CP: variants seen among roughly 807,000 people sequenced by gnomAD.
The protein encoded by CP is ceruloplasmin.
Under a neutral mutation model 122.4 loss-of-function variants are expected in CP, and 64 were observed. That is an observed-to-expected ratio of 0.52 (90% CI 0.43 to 0.64). The LOEUF (loss-of-function observed/expected upper bound fraction) is 0.64, where lower values mean the gene tolerates loss of function less well. CP is among the 30% of genes least tolerant of loss of function. The pLI, the probability that CP is intolerant of heterozygous loss-of-function variation, is 0.00. For missense variants in CP, 1,167 were observed against 1,284.4 expected, an observed-to-expected ratio of 0.91 and a Z score of 1.40; for synonymous variants, 440 against 436.4, an observed-to-expected ratio of 1.01 and a Z score of -0.10.
At chr3:149,185,861 G>C (rs1427204102) in intron 11 of CP, among the ~76,000 whole-genome samples, 1 of 152,118 alleles carries the variant, frequency 6.6e-6, no homozygotes, top group East Asian at 1.9e-4. Flanking sequence ...CCCTGCATTA[G>C]AATTTCAGCA....
chr3:149,194,461 A>G (rs529242761), intron 9 of CP, among the ~76,000 whole-genome samples: 1 of 151,350 alleles, frequency 6.6e-6, no homozygotes, highest in South Asian at 2.1e-4. Flanking sequence ...CTGGTCTGAA[A>G]CTCTTGACCT....
chr3:149,202,605 CTTTTTTTTTT>C (rs34873592), intron 6 of CP, among the ~76,000 whole-genome samples: 5 of 106,814 alleles, frequency 4.7e-5, no homozygotes, highest in Non-Finnish European at 7.6e-5. Flanking sequence ...TGTTGTTTGT[CTTTTTTTTTT>C]TTTTTTTTTT....
chr3:149,213,307 T>C (rs1277564480), intron 1 of CP, among the ~76,000 whole-genome samples: 1 of 152,230 alleles, frequency 6.6e-6, no homozygotes, highest in Non-Finnish European at 1.5e-5. Flanking sequence ...AATCCCTGTG[T>C]TTTTTAATCC....
chr3:149,210,971 C>A (rs1728064092), intron 2 of CP, among the ~76,000 whole-genome samples: 1 of 152,168 alleles, frequency 6.6e-6, no homozygotes, highest in Non-Finnish European at 1.5e-5. Context: ...GAGTATGTAT[C>A]TCTAAAAGAT....
chr3:149,164,145 T>C (rs1724175919), intron 5 of CP, among the ~76,000 whole-genome samples: 1 of 152,190 alleles, frequency 6.6e-6, no homozygotes, highest in African/African-American at 2.4e-5. Context: ...GGAACACCTG[T>C]GCTGAGCGGC....
intron 10 of CP, 84 bp from the exon 11 acceptor site, chr3:149,186,816 GT>G (rs1726212482): frequency 1.5e-6 from 2 of 1,341,142 alleles, no homozygotes; most frequent in Non-Finnish European, 2.1e-6. Flanking sequence ...GACCAACTTT[GT>G]TTTTTTAATT....
chr3:149,188,232 C>G (rs1422499807), intron 9 of CP, 30 bp from the exon 10 acceptor site: 1 of 1,592,954 alleles, frequency 6.3e-7, no homozygotes. Context: ...GAGATGGAGA[C>G]AGAATGAATA....
At chr3:149,170,375 A>G (rs910732053), downstream of CP, 2 of 152,214 alleles carry the variant, frequency 1.3e-5, no homozygotes, top group African/African-American at 4.8e-5. Flanking sequence ...GAAAACATCA[A>G]TAATTCATAT....
exon 6 of CP, chr3:149,162,635 C>T (rs1723990070): frequency 6.4e-7 from 1 of 1,566,130 alleles, no homozygotes; most frequent in Non-Finnish European, 8.8e-7. Flanking sequence ...CCAGCTGTCG[C>T]TTTATCAGTG....
intron 13 of CP, 52 bp from the exon 14 acceptor site, chr3:149,182,185 TAA>T: frequency 1.2e-6 from 2 of 1,605,742 alleles, no homozygotes; most frequent in Non-Finnish European, 1.7e-6. Flanking sequence ...AACTTAGTAA[TAA>T]AAGCAAAGAT....
intron 9 of CP, among the ~76,000 whole-genome samples, chr3:149,188,863 A>G (rs1726362103): frequency 6.6e-6 from 1 of 152,216 alleles, no homozygotes; most frequent in Non-Finnish European, 1.5e-5. Flanking sequence ...CTTAAAGGAG[A>G]GAATACTTTA....
chr3:149,196,337 G>A (rs1726895785), intron 9 of CP, among the ~76,000 whole-genome samples: 1 of 152,116 alleles, frequency 6.6e-6, no homozygotes, highest in African/African-American at 2.4e-5. Context: ...GAAAGTATAA[G>A]TATGAAATCA....
chr3:149,202,106 G>T lies in CP; in HGVS notation c.1344C>A (p.Ile448=). 6.2e-7 allele frequency: 1 copy of T among 1,614,010 alleles called. No homozygotes were observed. The highest frequency in any genetic ancestry group is 8.5e-7 in the Non-Finnish European group (1 of 1,179,952). Residue 448 remains isoleucine (I), a synonymous_variant, in exon 7 of 19, where the codon ATC becomes ATA. Coordinates refer to ENST00000264613, the MANE Select transcript of CP (RefSeq NM_000096.4). ...ERGPEEEHLG[I]LGPVIWAEVG... is the part of the protein sequence containing the mutation. ...ATATATTCTGCAAGAACTCACCCAG[G>T]ATGCCAAGATGCTCTTCTTCAGGGC...
At chr3:149,181,981 C>CT in intron 14 of CP, 24 bp downstream of exon 14, 1 of 520,432 alleles carries the variant, frequency 1.9e-6, no homozygotes. Flanking sequence ...AATGCACCAC[C>CT]CCCACCCCCG....
intron 5 of CP, among the ~76,000 whole-genome samples, chr3:149,165,146 T>A (rs1724285565): frequency 6.6e-6 from 1 of 152,204 alleles, no homozygotes; most frequent in East Asian, 1.9e-4. Context: ...GGGGCTAGCC[T>A]CAGATTTTGT....
chr3:149,180,489 C>A (rs886829584), intron 14 of CP, among the ~76,000 whole-genome samples: 1 of 152,184 alleles, frequency 6.6e-6, no homozygotes, highest in African/African-American at 2.4e-5. Context: ...GCCCACTCAC[C>A]AATCCCAGCC....
At chr3:149,176,515 CT>C in intron 17 of CP, 103 bp from the exon 18 acceptor site, 1 of 981,232 alleles carries the variant, frequency 1.0e-6, no homozygotes, top group Non-Finnish European at 1.6e-6. Context: ...ATGGATAAAT[CT>C]GTTTTTAAAA....
chr3:149,180,680 C>T (rs1484549205), intron 14 of CP, among the ~76,000 whole-genome samples: 1 of 152,142 alleles, frequency 6.6e-6, no homozygotes. Context: ...GTTCCTATGT[C>T]CTCACCCTTT....
intron 16 of CP, 124 bp downstream of exon 16, chr3:149,178,291 A>G: frequency 1.3e-6 from 1 of 764,498 alleles, no homozygotes. Context: ...TCTACCTGAC[A>G]TACAAAGTGA....
Sources: allele counts gnomAD v4.1 joint callset (sites outside exome capture counted in the v4.1 genomes callset), GRCh38; gene constraint gnomAD v4.1.1; transcripts MANE v1.5; gene names NCBI Gene and HGNC (gene_info 2026-07-23, HGNC 2026-07-21).